Variants in ABL1 observed in about 807,000 individuals in gnomAD.
The protein encoded by ABL1 is ABL proto-oncogene 1, non-receptor tyrosine kinase.
In ABL1, 11 loss-of-function variants were observed where a neutral mutation model predicts 94.7. That is an observed-to-expected ratio of 0.12 (90% CI 0.07 to 0.19). The LOEUF (loss-of-function observed/expected upper bound fraction) is 0.19, where lower values mean the gene tolerates loss of function less well. Ranked by LOEUF, ABL1 falls within the 10% of genes least tolerant of loss-of-function variation. The pLI, the probability that ABL1 is intolerant of heterozygous loss-of-function variation, is 1.00. For synonymous variants in ABL1, 656 were observed against 622.4 expected, an observed-to-expected ratio of 1.05 and a Z score of -0.80; for missense variants, 1,082 against 1,489.4, an observed-to-expected ratio of 0.73 and a Z score of 4.50.
intron 1 of ABL1, among the ~76,000 whole-genome samples, chr9:130,853,451 G>A (rs1019737687): frequency 4.0e-5 from 6 of 150,850 alleles, no homozygotes; most frequent in African/African-American, 1.5e-4. Flanking sequence ...GGAGTTTCTC[G>A]TTACCCAGGC....
At position 130,714,376 on chromosome 9, in the gene ABL1, C is replaced by T; in HGVS notation, c.57C>T (p.Ala19=). 5 of 1,613,884 alleles carry T rather than the reference C, an allele frequency of 3.1e-6. No homozygotes were observed. Among genetic ancestry groups the T allele is most frequent in the Non-Finnish European group, 4.2e-6 (5 of 1,179,848 alleles). ...ACCAAAGAAGGCCAAGCTTGCCTGC[C>T]CTGCATTTTATCAAAGGAGCAGGGA... is the stretch of plus-strand genomic sequence containing the variant. Residue 19 remains alanine, a synonymous_variant, in exon 1 of 11, where the codon GCC becomes GCT. Coordinates refer to the ABL1 transcript ENST00000372348.
In ABL1 at chr9:130,886,112, C is replaced by T; in HGVS notation, c.*429C>T. ...CTTCCACTTCTCCAAGAATGGAAGC[C>T]TGAACTGAGGCCTTGTGTGTCAGGC... On this transcript the variant is annotated 3_prime_UTR_variant, in exon 11 of 11. Transcript: ENST00000318560. 3.8e-6 allele frequency: 1 copy of T among 260,848 alleles called. No individual in the cohort carries two copies. The highest frequency in any genetic ancestry group is 2.2e-5 in the African/African-American group (1 of 46,012). The allele number at this position is 260,848 out of a possible 1,614,324, so 16.2% of individuals were successfully genotyped here.
Position 130,773,513 on chromosome 9 carries a change from T to C in ABL1, c.136+59058T>C, listed in dbSNP as rs115071940. ...TTGCTCTATCGTCCAGGCTGGAGTG[T>C]AGTGGTGCAATCATGGCTCACTGAA... On this transcript the variant is annotated intron_variant, in intron 1 of 10. Coordinates refer to the ABL1 transcript ENST00000372348. 8.8e-3 allele frequency among the ~76,000 whole-genome samples: 1,333 copies of C among 152,020 alleles called. 19 individuals are homozygous for C. The highest frequency in any genetic ancestry group is 0.031 in the African/African-American group (1,266 of 41,470).
chr9:130,724,863 C>A, intron 1 of ABL1: 1 of 463,416 alleles, frequency 2.2e-6, no homozygotes, highest in South Asian at 1.6e-5. Context: ...CCGCTTCATT[C>A]GCCCAGTCCC....
intron 1 of ABL1, among the ~76,000 whole-genome samples, chr9:130,789,273 CT>C (rs997386795): frequency 6.6e-6 from 1 of 152,218 alleles, no homozygotes; most frequent in Admixed American, 6.5e-5. Flanking sequence ...TGAGCTTTCA[CT>C]TTGAGTGGAG....
Position 130,887,131 on chromosome 9 carries a change from C to A in ABL1, c.*1448C>A. 8.6e-6 allele frequency: 2 copies of A among 233,288 alleles called. No individual in the cohort carries two copies. The highest frequency in any genetic ancestry group is 4.4e-5 in the African/African-American group (2 of 45,466). 14.5% of individuals were successfully genotyped at this position (233,288 alleles called of 1,614,324 possible). On this transcript the variant is annotated 3_prime_UTR_variant, in exon 11 of 11. Coordinates refer to ENST00000318560, the MANE Select transcript of ABL1 (RefSeq NM_005157.6). ...CCGAGAGCAGTGGGCAGGTGGCCGC[C>A]CCTGAGGCTTCACGCCGGGAGAAGC...
intron 1 of ABL1, among the ~76,000 whole-genome samples, chr9:130,731,286 C>T (rs777361421): frequency 4.6e-5 from 7 of 152,062 alleles, no homozygotes; most frequent in Non-Finnish European, 8.8e-5. Context: ...GGGTTACAGA[C>T]GTGAGCCACT....
rs980915781 is a variant in ABL1 at position 130,885,673 on chromosome 9, T to C, written c.3383T>C (p.Val1128Ala). 7 of 1,610,336 alleles carry C rather than the reference T, an allele frequency of 4.3e-6. No individual in the cohort carries two copies. The highest frequency in any genetic ancestry group is 2.7e-5 in the African/African-American group (2 of 74,890). The change falls in exon 11 of 11, where the codon GTG becomes GCG. Residue 1128 changes from valine to alanine, a missense_variant. Coordinates refer to ENST00000318560, the MANE Select transcript of ABL1 (RefSeq NM_005157.6). ...TCGGTGAAGGAAATCAGTGACATAG[T>C]GCAGAGGTAGCAGCAGTCAGGGGTC... ...LSSVKEISDI[V>A]QR is the part of the protein sequence containing the mutation.
chr9:130,787,224 G>A (rs1487871143), intron 1 of ABL1, among the ~76,000 whole-genome samples: 3 of 152,162 alleles, frequency 2.0e-5, no homozygotes, highest in Non-Finnish European at 2.9e-5. Flanking sequence ...AGAGGATGGG[G>A]ACTTTCTTGG....
rs185236924 is a variant in ABL1, at chr9:130,840,758, A to G, written c.79+5233A>G. ...GGTCTCAAACTCCTGGGCTCAAGCA[A>G]TCCTCCCACCTCAGCCTCCCAAAGT... On this transcript the variant is annotated intron_variant, in intron 1 of 10. Coordinates refer to ENST00000318560, the MANE Select transcript of ABL1 (RefSeq NM_005157.6). Among the ~76,000 whole-genome samples, 351 of 151,930 alleles carry G rather than the reference A, an allele frequency of 2.3e-3. 1 individual carries two copies. The highest frequency in any genetic ancestry group is 3.7e-3 in the Non-Finnish European group (253 of 67,920).
intron 1 of ABL1, among the ~76,000 whole-genome samples, chr9:130,798,803 C>A (rs1017865578): frequency 1.3e-5 from 2 of 151,816 alleles, no homozygotes; most frequent in African/African-American, 4.8e-5. Flanking sequence ...CCTGTCTCTA[C>A]TAAAAATACA....
chr9:130,730,884 A>C (rs1349329731), intron 1 of ABL1, among the ~76,000 whole-genome samples: 1 of 151,330 alleles, frequency 6.6e-6, no homozygotes, highest in African/African-American at 2.4e-5. Flanking sequence ...TGTACTCTCA[A>C]TACAGGTCCT....
chr9:130,854,027 C>A (rs1213867639), intron 1 of ABL1, 37 bp from the exon 2 acceptor site: 5 of 1,555,354 alleles, frequency 3.2e-6, no homozygotes, highest in Non-Finnish European at 3.5e-6. Context: ...ATTTTCTCTT[C>A]CTTTTTCTTT....
upstream of ABL1, among the ~76,000 whole-genome samples, chr9:130,833,082 G>A (rs1830512474): frequency 6.6e-6 from 1 of 151,918 alleles, no homozygotes; most frequent in South Asian, 2.1e-4. Flanking sequence ...CAGAATATTA[G>A]TAATAATAAT....
chr9:130,819,791 T>A (rs1020115402), intron 1 of ABL1, among the ~76,000 whole-genome samples: 1 of 151,928 alleles, frequency 6.6e-6, no homozygotes, highest in Non-Finnish European at 1.5e-5. Flanking sequence ...TCCGCCCGCC[T>A]CAGCCTTCCA....
At chr9:130,715,836 G>A (rs1831430214) in intron 1 of ABL1, among the ~76,000 whole-genome samples, 1 of 152,078 alleles carries the variant, frequency 6.6e-6, no homozygotes, top group South Asian at 2.1e-4. Flanking sequence ...GGGGTTGAGA[G>A]GCTAAAACTA....
intron 1 of ABL1, among the ~76,000 whole-genome samples, chr9:130,764,149 A>G (rs1832152163): frequency 6.6e-6 from 1 of 152,172 alleles, no homozygotes; most frequent in Non-Finnish European, 1.5e-5. Flanking sequence ...GGAGACAGCA[A>G]GGCGGGCCAG....
intron 8 of ABL1, among the ~76,000 whole-genome samples, chr9:130,879,617 A>G (rs2133020966): frequency 6.6e-6 from 1 of 152,350 alleles, no homozygotes; most frequent in East Asian, 1.9e-4. Context: ...CTCCAGTCAG[A>G]CGCATATGGG....
chr9:130,829,183 A>AT (rs369237646), intron 1 of ABL1, among the ~76,000 whole-genome samples: 1 of 152,304 alleles, frequency 6.6e-6, no homozygotes, highest in African/African-American at 2.4e-5. Context: ...GAAGAAAGGT[A>AT]TTTTTTTAGA....
Sources: gnomAD v4.1 joint callset for allele counts (sites outside exome capture counted in the v4.1 genomes callset) on GRCh38, gnomAD v4.1.1 for gene constraint, MANE v1.5 for transcripts, NCBI Gene and HGNC (gene_info 2026-07-23, HGNC 2026-07-21) for gene names.